SGCZ: variants seen among roughly 807,000 people sequenced by gnomAD.
SGCZ encodes zeta-sarcoglycan.
SGCZ carries 40 observed loss-of-function variants against 41.3 expected under a neutral mutation model. That is an observed-to-expected ratio of 0.97 (90% CI 0.75 to 1.26). The LOEUF (loss-of-function observed/expected upper bound fraction) is 1.26. Ranked by LOEUF, SGCZ falls within the 50% of genes most tolerant of loss-of-function variation. The pLI is 0.00. For synonymous variants in SGCZ, 206 were observed against 137.5 expected, an observed-to-expected ratio of 1.50 and a Z score of -3.49; for missense variants, 552 against 369.8, an observed-to-expected ratio of 1.49 and a Z score of -4.04.
chr8:15,069,339 G>T (rs190140438), intron 1 of SGCZ, among the ~76,000 whole-genome samples: 1 of 152,030 alleles, frequency 6.6e-6, no homozygotes, highest in Non-Finnish European at 1.5e-5. Context: ...TACCCACAAT[G>T]CAAAGTTTTG....
intron 2 of SGCZ, among the ~76,000 whole-genome samples, chr8:14,517,295 A>C (rs574381101): frequency 1.3e-5 from 2 of 152,192 alleles, no homozygotes; most frequent in East Asian, 3.9e-4. Context: ...CTTGGGCAAG[A>C]TCTTTAAGGG....
intron 1 of SGCZ, among the ~76,000 whole-genome samples, chr8:15,086,382 A>T (rs1805951662): frequency 6.6e-6 from 1 of 152,202 alleles, no homozygotes; most frequent in Non-Finnish European, 1.5e-5. Context: ...CTTAGAGGTG[A>T]GTGCATCTAA....
chr8:14,751,710 G>A (rs191155415), intron 1 of SGCZ, among the ~76,000 whole-genome samples: 221 of 152,012 alleles, frequency 1.5e-3, no homozygotes, highest in Middle Eastern at 6.8e-3. Flanking sequence ...CACCATGCCC[G>A]GCTAATTTTT....
At chr8:14,786,986 C>T (rs1012549502) in intron 1 of SGCZ, among the ~76,000 whole-genome samples, 1 of 152,022 alleles carries the variant, frequency 6.6e-6, no homozygotes, top group Non-Finnish European at 1.5e-5. Flanking sequence ...ATTAGAGCAC[C>T]AGGGACTCTT....
intron 3 of SGCZ, among the ~76,000 whole-genome samples, chr8:14,321,929 C>T (rs1801930031): frequency 6.6e-6 from 1 of 152,102 alleles, no homozygotes. Flanking sequence ...ACCAAACTCA[C>T]TTAATAATGA....
intron 3 of SGCZ, among the ~76,000 whole-genome samples, chr8:14,293,029 G>C (rs1800891902): frequency 6.6e-6 from 1 of 151,840 alleles, no homozygotes; most frequent in South Asian, 2.1e-4. Flanking sequence ...TCACATCTCT[G>C]GGTTAAAATA....
chr8:15,028,826 A>G (rs1397385394), intron 1 of SGCZ, among the ~76,000 whole-genome samples: 1 of 152,086 alleles, frequency 6.6e-6, no homozygotes. Context: ...CTAAAATGAA[A>G]TCAGGTACTT....
intron 1 of SGCZ, among the ~76,000 whole-genome samples, chr8:15,027,090 C>G (rs972575416): frequency 6.6e-6 from 1 of 152,148 alleles, no homozygotes; most frequent in Admixed American, 6.5e-5. Context: ...CTATATGCCA[C>G]AAATATGGCA....
chr8:14,382,424 A>G (rs1372057560), intron 2 of SGCZ, among the ~76,000 whole-genome samples: 1 of 151,414 alleles, frequency 6.6e-6, no homozygotes, highest in Non-Finnish European at 1.5e-5. Context: ...AATTTAAAAA[A>G]AAACACAATA....
intron 1 of SGCZ, among the ~76,000 whole-genome samples, chr8:15,060,418 G>C (rs1585522330): frequency 6.7e-6 from 1 of 148,420 alleles, no homozygotes; most frequent in Non-Finnish European, 1.5e-5. Flanking sequence ...CTATCACAAG[G>C]ACAGAAAACC....
chr8:14,601,986 GGC>G (rs1805605442), intron 1 of SGCZ, among the ~76,000 whole-genome samples: 1 of 152,096 alleles, frequency 6.6e-6, no homozygotes, highest in African/African-American at 2.4e-5. Context: ...CGGGCCTGGT[GGC>G]GGGCGCCTGT....
chr8:15,180,758 G>A (rs1236539935), intron 1 of SGCZ, among the ~76,000 whole-genome samples: 3 of 131,154 alleles, frequency 2.3e-5, no homozygotes, highest in Non-Finnish European at 5.3e-5. Context: ...ATGGTGGTGG[G>A]CGCCTGTAGC....
chr8:15,076,710 G>C (rs1805543885), intron 1 of SGCZ, among the ~76,000 whole-genome samples: 1 of 150,272 alleles, frequency 6.7e-6, no homozygotes, highest in Admixed American at 6.6e-5. Context: ...TCTGTATCCT[G>C]AAAGTACTTG....
At chr8:14,792,554 CT>C (rs952211686) in intron 1 of SGCZ, among the ~76,000 whole-genome samples, 28 of 151,960 alleles carry the variant, frequency 1.8e-4, no homozygotes, top group African/African-American at 5.5e-4. Flanking sequence ...TAGCATCTTT[CT>C]TTTTTTATTT....
intron 1 of SGCZ, among the ~76,000 whole-genome samples, chr8:14,592,871 A>C (rs1267113640): frequency 6.6e-6 from 1 of 152,186 alleles, no homozygotes; most frequent in Non-Finnish European, 1.5e-5. Context: ...ATTACAGTAC[A>C]GGGCAAAAAG....
At chr8:14,565,097 G>T (rs1393779009) in intron 1 of SGCZ, among the ~76,000 whole-genome samples, 5 of 152,108 alleles carry the variant, frequency 3.3e-5, no homozygotes, top group Non-Finnish European at 7.4e-5. Context: ...GGAAATAGAT[G>T]ATTCTAGCCA....
intron 2 of SGCZ, among the ~76,000 whole-genome samples, chr8:14,402,212 C>A (rs542649750): frequency 3.3e-5 from 5 of 151,764 alleles, no homozygotes; most frequent in Non-Finnish European, 4.4e-5. Flanking sequence ...GAGTAGGTTG[C>A]GAAAATTTTC....
intron 2 of SGCZ, among the ~76,000 whole-genome samples, chr8:14,385,124 T>C (rs190490918): frequency 5.9e-5 from 9 of 152,248 alleles, no homozygotes; most frequent in Admixed American, 4.6e-4. Context: ...CTGGTTTGTA[T>C]CGTTTGGTGA....
intron 2 of SGCZ, among the ~76,000 whole-genome samples, chr8:14,476,536 C>G (rs965741381): frequency 2.0e-5 from 3 of 152,032 alleles, no homozygotes; most frequent in Non-Finnish European, 4.4e-5. Flanking sequence ...AAAAAGCCCA[C>G]AATGATGCCA....
Sources: allele counts gnomAD v4.1 joint callset (sites outside exome capture counted in the v4.1 genomes callset), GRCh38; gene constraint gnomAD v4.1.1; transcripts MANE v1.5; gene names NCBI Gene and HGNC (gene_info 2026-07-23, HGNC 2026-07-21).